NAV3: variants seen among roughly 807,000 people sequenced by gnomAD.
NAV3 encodes the protein pore membrane and/or filament interacting like protein 1.
NAV3 carries 87 observed loss-of-function variants against 244.7 expected under a neutral mutation model. That is an observed-to-expected ratio of 0.36 (90% CI 0.30 to 0.42). The LOEUF (loss-of-function observed/expected upper bound fraction) is 0.42. Among genes scored for constraint, NAV3 ranks in the 20% least tolerant of loss-of-function variants. The pLI is 1.00. For synonymous variants in NAV3, 1,126 were observed against 1,042.2 expected (o/e 1.08, Z -1.55); for missense variants, 2,663 against 2,893.3 (o/e 0.92, Z 1.83).
At chr12:77,939,434 A>T (rs2137451018) in intron 1 of NAV3, among the ~76,000 whole-genome samples, 1 of 152,206 alleles carries the variant, frequency 6.6e-6, no homozygotes, top group East Asian at 1.9e-4. Flanking sequence ...CTCATTTCAA[A>T]TATTTTGTTT....
chr12:77,821,087 G>A (rs980765675), intron 2 of NAV3, among the ~76,000 whole-genome samples: 26 of 61,230 alleles, frequency 4.2e-4, no homozygotes, highest in Non-Finnish European at 7.1e-4. Context: ...ACACATGTTC[G>A]CACAAACACA....
intron 12 of NAV3, among the ~76,000 whole-genome samples, chr12:78,099,683 A>G (rs1954442676): frequency 6.6e-6 from 1 of 151,960 alleles, no homozygotes; most frequent in Non-Finnish European, 1.5e-5. Context: ...GCATCTTTAA[A>G]ATGAGCATTG....
chr12:77,827,799 A>AT (rs369641357), upstream of NAV3, among the ~76,000 whole-genome samples: 293 of 152,288 alleles, frequency 1.9e-3, 2 homozygotes, highest in African/African-American at 6.6e-3. Context: ...AAGAATAATT[A>AT]TTTTTTTACT....
At chr12:78,203,670 C>T (rs1959979263) in intron 38 of NAV3, among the ~76,000 whole-genome samples, 1 of 152,030 alleles carries the variant, frequency 6.6e-6, no homozygotes, top group African/African-American at 2.4e-5. Flanking sequence ...AGCCATCTAA[C>T]AACAAACCAA....
At chr12:77,587,672 G>T (rs1006937662) in intron 2 of NAV3, among the ~76,000 whole-genome samples, 44 of 152,172 alleles carry the variant, frequency 2.9e-4, no homozygotes, top group African/African-American at 8.9e-4. Flanking sequence ...TCACAGAAAA[G>T]CTTGGTGAAA....
At chr12:77,707,546 G>A (rs1407360609) in intron 2 of NAV3, among the ~76,000 whole-genome samples, 1 of 152,180 alleles carries the variant, frequency 6.6e-6, no homozygotes, top group Admixed American at 6.5e-5. Context: ...CTTTATAGCA[G>A]CATGATTTAT....
At chr12:77,954,586 T>C (rs1352081188) in intron 3 of NAV3, among the ~76,000 whole-genome samples, 2 of 152,210 alleles carry the variant, frequency 1.3e-5, no homozygotes. Context: ...GTAAATAGCA[T>C]ACTTGCTTAT....
chr12:78,175,550 T>A (rs1335521290), intron 25 of NAV3, 123 bp downstream of exon 25: 12 of 1,246,368 alleles, frequency 9.6e-6, no homozygotes, highest in Non-Finnish European at 1.2e-5. Context: ...TACTGAGACC[T>A]CAAATGCTGC....
chr12:77,595,655 T>C (rs1433434687), intron 2 of NAV3, among the ~76,000 whole-genome samples: 1 of 152,176 alleles, frequency 6.6e-6, no homozygotes, highest in Admixed American at 6.5e-5. Flanking sequence ...TAAATATATA[T>C]AATTTTCATT....
intron 18 of NAV3, among the ~76,000 whole-genome samples, chr12:78,131,881 C>T (rs770698821): frequency 6.6e-6 from 1 of 152,194 alleles, no homozygotes; most frequent in Non-Finnish European, 1.5e-5. Context: ...CATAGAGTAG[C>T]ATTCATCAGA....
rs762326860 is a variant in NAV3 at position 78,179,580 on chromosome 12, C to T, written c.5415C>T (p.Ser1805=). 19 of 1,613,120 alleles carry T rather than the reference C, an allele frequency of 1.2e-5. No homozygotes were observed. In the African/African-American group the frequency reaches 1.7e-4, roughly 15 times the overall value. The change falls in exon 29 of 40, where the codon AGC becomes AGT. Residue 1805 remains serine (S), a synonymous_variant. Transcript: ENST00000397909. ...AEAEIILQLK[S]ELREKELKLT... is the part of the protein sequence containing the mutation. ...CAGAGATAATTCTGCAGCTGAAGAG[C>T]GAGCTCAGAGAAAAGGAATTAAAAT...
At chr12:77,614,600 G>A (rs1038505212) in intron 2 of NAV3, among the ~76,000 whole-genome samples, 7 of 152,152 alleles carry the variant, frequency 4.6e-5, no homozygotes, top group Non-Finnish European at 7.4e-5. Context: ...ATATGAGGTA[G>A]TGTTCACTTA....
At chr12:77,686,025 A>T (rs1874724988) in intron 2 of NAV3, among the ~76,000 whole-genome samples, 1 of 152,208 alleles carries the variant, frequency 6.6e-6, no homozygotes, top group Admixed American at 6.5e-5. Context: ...AATAAAATGG[A>T]TGGATTTGAC....
intron 2 of NAV3, among the ~76,000 whole-genome samples, chr12:77,633,213 G>T (rs117690017): frequency 0.025 from 3,772 of 152,056 alleles, 61 homozygotes; most frequent in Middle Eastern, 0.083. Context: ...AAGTTAGATT[G>T]CAACTATAAT....
intron 3 of NAV3, among the ~76,000 whole-genome samples, chr12:77,955,087 A>T (rs1891242726): frequency 6.6e-6 from 1 of 151,972 alleles, no homozygotes; most frequent in Non-Finnish European, 1.5e-5. Context: ...TGTGCTCTGG[A>T]GCTCCTTCTG....
intron 12 of NAV3, among the ~76,000 whole-genome samples, chr12:78,093,232 T>C (rs1954057583): frequency 6.6e-6 from 1 of 152,224 alleles, no homozygotes; most frequent in Admixed American, 6.5e-5. Flanking sequence ...TTTTACATAA[T>C]GCACTTTTAT....
chr12:77,873,045 G>A (rs1264364367), intron 1 of NAV3, among the ~76,000 whole-genome samples: 2 of 152,218 alleles, frequency 1.3e-5, no homozygotes, highest in South Asian at 2.1e-4. Context: ...TAAGTCTCAC[G>A]AGATCTGATG....
At chr12:78,196,381 A>G (rs989900474) in intron 34 of NAV3, among the ~76,000 whole-genome samples, 9 of 152,018 alleles carry the variant, frequency 5.9e-5, no homozygotes, top group African/African-American at 9.7e-5. Flanking sequence ...AGAGTGAGCA[A>G]TTCACATATT....
chr12:77,892,675 A>AACGTGCTGGG (rs1884086887), intron 1 of NAV3, among the ~76,000 whole-genome samples: 1 of 152,132 alleles, frequency 6.6e-6, no homozygotes, highest in Non-Finnish European at 1.5e-5. Context: ...TTGGCCTCTC[A>AACGTGCTGGG]ACGTGCTGGG....
Sources: allele counts gnomAD v4.1 joint callset (sites outside exome capture counted in the v4.1 genomes callset), GRCh38; gene constraint gnomAD v4.1.1; transcripts MANE v1.5; gene names NCBI Gene and HGNC (gene_info 2026-07-23, HGNC 2026-07-21).